The following SLC16A7 variants were observed in gnomAD, a reference collection of about 807,000 sequenced individuals.
The protein encoded by SLC16A7 is monocarboxylate transporter 2.
SLC16A7 carries 33 observed loss-of-function variants against 34.9 expected under a neutral mutation model. The ratio of observed to expected loss-of-function variants is 0.94; its 90% CI spans 0.72 to 1.26. SLC16A7 has a LOEUF of 1.26. Ranked by LOEUF, SLC16A7 falls within the 50% of genes most tolerant of loss-of-function variation. SLC16A7 has a pLI of 0.00. For missense variants in SLC16A7, 573 were observed against 578.1 expected, an observed-to-expected ratio of 0.99 and a Z score of 0.09; for synonymous variants, 201 against 206.6, an observed-to-expected ratio of 0.97 and a Z score of 0.23.
chr12:59,727,811 G>T lies in SLC16A7; in HGVS notation c.217+22793G>T, dbSNP rs147462597. Among the ~76,000 whole-genome samples, 368 of 152,152 alleles carry T rather than the reference G, an allele frequency of 2.4e-3. 1 individual carries two copies. The highest frequency in any genetic ancestry group is 7.4e-3 in the African/African-American group (309 of 41,530). On this transcript the variant is annotated intron_variant, in intron 3 of 5. Coordinates refer to ENST00000547379, the MANE Select transcript of SLC16A7 (RefSeq NM_001270623.2). ...GTTTACATTTTAATTGTGTTGGGGG[G>T]GAGGTAGTGTCATATTGGTTAATGA...
chr12:59,691,555 T>C (rs373395582), intron 2 of SLC16A7, among the ~76,000 whole-genome samples: 1 of 152,132 alleles, frequency 6.6e-6, no homozygotes, highest in East Asian at 1.9e-4. Context: ...CTCATGTCTC[T>C]CTGGGCCTGA....
intron 2 of SLC16A7, among the ~76,000 whole-genome samples, chr12:59,679,928 G>A (rs995179180): frequency 6.6e-6 from 1 of 152,166 alleles, no homozygotes; most frequent in African/African-American, 2.4e-5. Context: ...TCAGAGACAG[G>A]CAGGATCTGT....
At chr12:59,686,264 G>A (rs779780236) in intron 2 of SLC16A7, among the ~76,000 whole-genome samples, 39 of 151,982 alleles carry the variant, frequency 2.6e-4, no homozygotes, top group Non-Finnish European at 5.2e-4. Context: ...TGCTAAGACA[G>A]CCGATAAGAG....
At chr12:59,771,084 T>C (rs1882176072) in intron 3 of SLC16A7, 135 bp from the exon 4 acceptor site, 2 of 743,092 alleles carry the variant, frequency 2.7e-6, no homozygotes, top group African/African-American at 3.6e-5. Flanking sequence ...GTTCTCATTA[T>C]GTTTCATGTG....
intron 2 of SLC16A7, among the ~76,000 whole-genome samples, chr12:59,663,877 A>ATACACATT (rs1417163535): frequency 1.3e-5 from 2 of 152,104 alleles, no homozygotes; most frequent in Non-Finnish European, 2.9e-5. Flanking sequence ...TTTCATTATT[A>ATACACATT]TACACATTTA....
At chr12:59,606,668 A>G (rs575999139) in intron 1 of SLC16A7, among the ~76,000 whole-genome samples, 3 of 152,316 alleles carry the variant, frequency 2.0e-5, no homozygotes, top group South Asian at 2.1e-4. Context: ...AATGACAACT[A>G]GATCTTGGCT....
intron 2 of SLC16A7, among the ~76,000 whole-genome samples, chr12:59,659,307 AT>A (rs1369715548): frequency 6.6e-6 from 1 of 152,078 alleles, no homozygotes; most frequent in Non-Finnish European, 1.5e-5. Flanking sequence ...TATTTCTTAC[AT>A]GCATATATTG....
At position 59,735,012 on chromosome 12, in the gene SLC16A7, G is replaced by C. The variant is rs182905695; in HGVS notation, c.217+29994G>C. ...CTGTATAACTAAATCATCTTGAAAA[G>C]AGTTTAAAACATGATACAAAAATGA... On this transcript the variant is annotated intron_variant, in intron 3 of 5. Transcript: ENST00000547379. Among the ~76,000 whole-genome samples the C allele has an allele frequency of 4.6e-5, 7 of 152,234 alleles. No individual in the cohort carries two copies. The South Asian group carries it at 1.2e-3, about 27-fold the overall frequency.
chr12:59,772,375 A>G (rs555085931), intron 4 of SLC16A7, among the ~76,000 whole-genome samples: 1 of 152,290 alleles, frequency 6.6e-6, no homozygotes, highest in South Asian at 2.1e-4. Context: ...TCTTTTGTGT[A>G]GAGAAATTGA....
intron 2 of SLC16A7, among the ~76,000 whole-genome samples, chr12:59,702,632 A>G (rs1433121803): frequency 6.6e-6 from 1 of 152,082 alleles, no homozygotes; most frequent in African/African-American, 2.4e-5. Flanking sequence ...TATAGTTTCC[A>G]TGACATTTTT....
At chr12:59,752,032 C>G (rs1184628616) in intron 3 of SLC16A7, among the ~76,000 whole-genome samples, 1 of 152,178 alleles carries the variant, frequency 6.6e-6, no homozygotes, top group Non-Finnish European at 1.5e-5. Context: ...TCCAACAGAC[C>G]TGCAGCTGAG....
At chr12:59,629,140 G>A (rs145011062) in intron 1 of SLC16A7, among the ~76,000 whole-genome samples, 345 of 151,832 alleles carry the variant, frequency 2.3e-3, no homozygotes, top group Non-Finnish European at 3.4e-3. Flanking sequence ...TTCTTATAAG[G>A]ACATTAATCT....
At chr12:59,655,575 A>G (rs898248848) in intron 2 of SLC16A7, among the ~76,000 whole-genome samples, 1 of 151,890 alleles carries the variant, frequency 6.6e-6, no homozygotes, top group African/African-American at 2.4e-5. Flanking sequence ...ATTATATTCT[A>G]TTTTTATTAC....
intron 2 of SLC16A7, among the ~76,000 whole-genome samples, chr12:59,656,026 A>G (rs1441382902): frequency 6.6e-6 from 1 of 151,996 alleles, no homozygotes; most frequent in Non-Finnish European, 1.5e-5. Flanking sequence ...GTATTTTTGC[A>G]TTAGATTGCT....
chr12:59,653,852 C>T (rs1411865511), intron 1 of SLC16A7, among the ~76,000 whole-genome samples: 1 of 151,548 alleles, frequency 6.6e-6, no homozygotes, highest in East Asian at 1.9e-4. Flanking sequence ...GTTCTGTTTT[C>T]TTTGGCCTTA....
chr12:59,748,131 G>A (rs750262826), intron 3 of SLC16A7, among the ~76,000 whole-genome samples: 24 of 152,198 alleles, frequency 1.6e-4, no homozygotes, highest in Non-Finnish European at 3.2e-4. Flanking sequence ...AGGGTTAATC[G>A]AGGGATTGGT....
chr12:59,694,143 A>T (rs1471101841), intron 2 of SLC16A7, among the ~76,000 whole-genome samples: 1 of 151,972 alleles, frequency 6.6e-6, no homozygotes, highest in Non-Finnish European at 1.5e-5. Context: ...TTAGCAGATG[A>T]CAAAGCCCAA....
chr12:59,687,822 C>G (rs1022959092), intron 2 of SLC16A7, among the ~76,000 whole-genome samples: 1 of 152,124 alleles, frequency 6.6e-6, no homozygotes, highest in Admixed American at 6.6e-5. Context: ...TAAACATACT[C>G]TTGGACATGG....
At chr12:59,624,477 T>A (rs1879833525) in intron 1 of SLC16A7, among the ~76,000 whole-genome samples, 1 of 151,776 alleles carries the variant, frequency 6.6e-6, no homozygotes, top group Non-Finnish European at 1.5e-5. Flanking sequence ...CTTTGATCTT[T>A]ATCATGTGGG....
Sources: gnomAD v4.1 joint callset for allele counts (sites outside exome capture counted in the v4.1 genomes callset) on GRCh38, gnomAD v4.1.1 for gene constraint, MANE v1.5 for transcripts, NCBI Gene and HGNC (gene_info 2026-07-23, HGNC 2026-07-21) for gene names.